The following SNX19 variants were observed in gnomAD, a reference collection of about 807,000 sequenced individuals.
SNX19 encodes sorting nexin-19.
Under a neutral mutation model 85.2 loss-of-function variants are expected in SNX19, and 60 were observed. The observed-to-expected ratio is 0.70, with a 90% CI of 0.57 to 0.87. The LOEUF is 0.87. SNX19 is among the 40% of genes least tolerant of loss of function. SNX19 has a pLI of 0.00. For missense variants in SNX19, 1,201 were observed against 1,217.8 expected, an observed-to-expected ratio of 0.99 and a Z score of 0.21; for synonymous variants, 520 against 470.0, an observed-to-expected ratio of 1.11 and a Z score of -1.38.
At chr11:130,888,849 G>A (rs1414664203) in intron 8 of SNX19, among the ~76,000 whole-genome samples, 4 of 152,008 alleles carry the variant, frequency 2.6e-5, no homozygotes, top group Non-Finnish European at 4.4e-5. Flanking sequence ...AATAGGTTAC[G>A]TGCTCTATTA....
At position 130,907,970 on chromosome 11, in the gene SNX19, T is replaced by C. The variant is rs1401145955; in HGVS notation, c.2148A>G (p.Glu716=). 1.2e-6 allele frequency: 2 copies of C among 1,613,964 alleles called. No individual in the cohort carries two copies. Among genetic ancestry groups the C allele is most frequent in the East Asian group, 2.2e-5 (1 of 44,880 alleles). ...CTTCTCACTTGCTAGCCTTCTTGCC[T>C]TCTGTCTGGGGCTTGCTTTCGGTCT... ...EAETESKPQT[E]GKKASKSRLR... The change falls in exon 5 of 11, where the codon GAA becomes GAG. Residue 716 remains glutamate (E), a synonymous_variant. Coordinates refer to ENST00000265909, the MANE Select transcript of SNX19 (RefSeq NM_014758.3).
At chr11:130,903,080 A>C (rs1265300421) in intron 8 of SNX19, 175 bp downstream of exon 8, 7 of 768,668 alleles carry the variant, frequency 9.1e-6, no homozygotes, top group Non-Finnish European at 1.4e-5. Context: ...TGTAGACAAC[A>C]AGGTAGTCAA....
At chr11:130,889,540 T>A (rs910589826) in intron 8 of SNX19, among the ~76,000 whole-genome samples, 1 of 152,198 alleles carries the variant, frequency 6.6e-6, no homozygotes, top group African/African-American at 2.4e-5. Context: ...CTTTGAGTGA[T>A]ACCTTCAGGC....
chr11:130,894,133 T>C (rs982287176), intron 8 of SNX19, among the ~76,000 whole-genome samples: 1 of 152,172 alleles, frequency 6.6e-6, no homozygotes, highest in Non-Finnish European at 1.5e-5. Flanking sequence ...TCTTAGTGAA[T>C]ACATAATGTA....
Position 130,916,106 on chromosome 11 carries a change from C to G in SNX19, c.-167G>C. 1 of 621,732 alleles carries G rather than the reference C, an allele frequency of 1.6e-6. No individual in the cohort carries two copies. Among genetic ancestry groups the G allele is most frequent in the Non-Finnish European group, 2.8e-6 (1 of 356,422 alleles). 38.5% of individuals were successfully genotyped at this position (621,732 alleles called of 1,614,324 possible). A position where few individuals can be genotyped will look rare whatever the true frequency, so the allele number is the denominator to read the frequency against. ...TCCTACAGGCACTGCAAAGCGACAG[C>G]TGCAGCTCCGCGTCTCCCCATGGCT... On this transcript the variant is annotated 5_prime_UTR_variant, in exon 1 of 11. Coordinates refer to ENST00000265909, the MANE Select transcript of SNX19 (RefSeq NM_014758.3).
In SNX19 at chr11:130,915,739, G is replaced by A. The variant is rs1340918622; in HGVS notation, c.201C>T (p.Ser67=). The part of the protein sequence containing the change: ...LLVVLGGWLG[S]SLAGVASGRL... ...GACCTGAAGCCACTCCAGCGAGGCT[G>A]GAGCCCAGCCATCCTCCCAGCACCA... Residue 67 remains serine (S), a synonymous_variant, in exon 1 of 11, where the codon TCC becomes TCT. Coordinates refer to ENST00000265909, the MANE Select transcript of SNX19 (RefSeq NM_014758.3). 6.2e-7 allele frequency: 1 copy of A among 1,614,232 alleles called. No individual in the cohort carries two copies. Among genetic ancestry groups the A allele is most frequent in the African/African-American group, 1.3e-5 (1 of 75,070 alleles).
rs2135407651 is a variant in SNX19 at position 130,910,047 on chromosome 11, T to C, written c.2005A>G (p.Lys669Glu). ...NTDARIAFVK[K>E]PFMVSRIDKM... ...TCTATTCTAGAGACCATAAATGGTT[T>C]CTTGACAAAGGCAATACGAGCATCT... The change falls in exon 4 of 11, where the codon AAA becomes GAA. Residue 669 changes from lysine to glutamate, a missense_variant. Physicochemically the swap from Lys to Glu is moderately conservative, Grantham distance 56 (BLOSUM62 1). This residue lies in a region of SNX19 where 125 missense variants were observed against 171.6 expected (regional missense o/e 0.73). Coordinates refer to ENST00000265909, the MANE Select transcript of SNX19 (RefSeq NM_014758.3). 6.2e-7 allele frequency: 1 copy of C among 1,613,946 alleles called. No homozygotes were observed. The highest frequency in any genetic ancestry group is 2.2e-5 in the East Asian group (1 of 44,890).
In SNX19 at chr11:130,870,821, T is replaced by C. The variant is rs1403067319; in HGVS notation, c.*7601A>G. 1.1e-5 allele frequency among the ~76,000 whole-genome samples: 1 copy of C among 94,706 alleles called. No homozygotes were observed. Among genetic ancestry groups the C allele is most frequent in the African/African-American group, 4.5e-5 (1 of 22,458 alleles). 62.1% of individuals were successfully genotyped at this position (94,706 alleles called of 152,430 possible). ...CTATCATGCACTAGGTATATACATATAGTTGGGGGGGGGGCATAAGGACAT... is the reference window on the plus strand; with the variant it reads ...CTATCATGCACTAGGTATATACATACAGTTGGGGGGGGGGCATAAGGACAT... On this transcript the variant is annotated 3_prime_UTR_variant, in exon 11 of 11. Coordinates refer to ENST00000265909, the MANE Select transcript of SNX19 (RefSeq NM_014758.3).
chr11:130,878,434 AC>A lies in SNX19; in HGVS notation c.2966del (p.Gly989ValfsTer77), dbSNP rs979515181. On this transcript the variant is annotated frameshift_variant, in exon 11 of 11. Transcript: ENST00000265909. LOFTEE classifies it high-confidence loss of function. ...CGTGAATAACCAGCTAAGAGGAGAC[AC>A]CCATCCTCTTAGAGTTGCCTGGGGT... ...SDTPGNSKRM[G>X]VSS 3.7e-6 allele frequency: 6 copies of A among 1,613,640 alleles called. No individual in the cohort carries two copies. In the African/African-American group the frequency reaches 8.0e-5, roughly 22 times the overall value.
At position 130,915,010 on chromosome 11, in the gene SNX19, G is replaced by T; in HGVS notation, c.930C>A (p.Ala310=). 6.2e-7 allele frequency: 1 copy of T among 1,614,164 alleles called. No individual in the cohort carries two copies. Among genetic ancestry groups the T allele is most frequent in the Admixed American group, 1.7e-5 (1 of 60,030 alleles). The change falls in exon 1 of 11, where the codon GCC becomes GCA. Residue 310 remains alanine, a synonymous_variant. Coordinates refer to ENST00000265909, the MANE Select transcript of SNX19 (RefSeq NM_014758.3). ...LPEGRASPVA[A]PVFLSYSEPE... is the part of the protein sequence containing the mutation. ...GCTCACTGTAACTTAGGAATACTGG[G>T]GCTGCTACTGGAGAAGCTCTCCCTT...
chr11:130,878,471 G>A lies in SNX19; in HGVS notation c.2930C>T (p.Ser977Phe). The change falls in exon 11 of 11, where the codon TCT becomes TTT. Residue 977 changes from serine (S) to phenylalanine (F), a missense_variant. Ser to Phe is a radical substitution (Grantham distance 155). Transcript: ENST00000265909. Reference sequence around the variant, plus strand: ...AGAGTTGCCTGGGGTATCTGAGGCAGAGGTGGTAGCAGCAGACTCCTCAAC... The same window carrying A: ...AGAGTTGCCTGGGGTATCTGAGGCAAAGGTGGTAGCAGCAGACTCCTCAAC... ...ASVEESAATT[S>F]ASDTPGNSKR... 4 of 1,614,010 alleles carry A rather than the reference G, an allele frequency of 2.5e-6. No individual in the cohort carries two copies. The highest frequency in any genetic ancestry group is 3.4e-6 in the Non-Finnish European group (4 of 1,179,930).
intron 8 of SNX19, chr11:130,892,917 G>A (rs1206075497): frequency 6.6e-6 from 1 of 152,258 alleles, no homozygotes; most frequent in Non-Finnish European, 1.5e-5. Flanking sequence ...GGTGGGGAAG[G>A]GGGAAGGTAA....
intron 8 of SNX19, chr11:130,901,926 A>C (rs1420028422): frequency 6.6e-6 from 1 of 152,200 alleles, no homozygotes; most frequent in African/African-American, 2.4e-5. Context: ...ATATGTTCAG[A>C]TTTGTTTTTC....
At chr11:130,898,232 A>C (rs1379533594) in intron 8 of SNX19, among the ~76,000 whole-genome samples, 2 of 151,940 alleles carry the variant, frequency 1.3e-5, no homozygotes, top group Non-Finnish European at 2.9e-5. Flanking sequence ...AGTAATGTAC[A>C]CAGGTCTTTT....
intron 8 of SNX19, among the ~76,000 whole-genome samples, chr11:130,882,648 G>A (rs1330285144): frequency 6.6e-6 from 1 of 152,178 alleles, no homozygotes; most frequent in Non-Finnish European, 1.5e-5. Context: ...TTCATTCAGT[G>A]AGCCTAAGAT....
In SNX19 at chr11:130,914,443, T is replaced by A. The variant is rs139228493; in HGVS notation, c.1497A>T (p.Pro499=). The A allele has an allele frequency of 4.7e-4, 766 of 1,613,868 alleles. 6 individuals are homozygous for A. In the African/African-American group the frequency reaches 9.2e-3, roughly 19 times the overall value. Residue 499 remains proline (P), a synonymous_variant, in exon 1 of 11, where the codon CCA becomes CCT. Transcript: ENST00000265909. ...GTGGAGAGGAGGAAAGCAGAACTGGTGGCAGAGTAGGATCAAGGGAGCTCA... is the reference window on the plus strand; with the variant it reads ...GTGGAGAGGAGGAAAGCAGAACTGGAGGCAGAGTAGGATCAAGGGAGCTCA... The part of the protein sequence containing the change: ...NDVSSLDPTL[P]PVLLSSSPPG...
rs1448185902 is a variant in SNX19 at position 130,874,065 on chromosome 11, A to C, written c.*4357T>G. 6.6e-6 allele frequency among the ~76,000 whole-genome samples: 1 copy of C among 151,582 alleles called. No homozygotes were observed. Among genetic ancestry groups the C allele is most frequent in the African/African-American group, 2.4e-5 (1 of 41,172 alleles). On this transcript the variant is annotated 3_prime_UTR_variant, in exon 11 of 11. Transcript: ENST00000265909. ...TATTTGGGGTCTCACTCTGTCACTT[A>C]AGGCTAGAATGCAGTGGTGTGATCG...
At chr11:130,882,294 TG>T (rs1943735307) in intron 8 of SNX19, among the ~76,000 whole-genome samples, 1 of 152,228 alleles carries the variant, frequency 6.6e-6, no homozygotes, top group Admixed American at 6.5e-5. Flanking sequence ...CGTTTGATCC[TG>T]CACCACATGG....
intron 8 of SNX19, chr11:130,893,140 C>G (rs1289087984): frequency 6.6e-6 from 1 of 152,256 alleles, no homozygotes; most frequent in Non-Finnish European, 1.5e-5. Context: ...CTGCTCTGCA[C>G]ATAGAACTCC....
Sources: allele counts gnomAD v4.1 joint callset (sites outside exome capture counted in the v4.1 genomes callset), GRCh38; gene constraint gnomAD v4.1.1; regional missense constraint gnomAD v4.1.1; transcripts MANE v1.5; gene names NCBI Gene and HGNC (gene_info 2026-07-23, HGNC 2026-07-21).